The following LNX1 variants were observed in gnomAD, a reference collection of about 807,000 sequenced individuals.
LNX1 encodes the protein E3 ubiquitin-protein ligase LNX.
A neutral mutation model predicts 68.4 loss-of-function variants in LNX1; 54 were observed. The ratio of observed to expected loss-of-function variants is 0.79; its 90% CI spans 0.63 to 0.99. The LOEUF is 0.99. Ranked by LOEUF, LNX1 falls within the 50% of genes least tolerant of loss-of-function variation. LNX1 has a pLI of 0.00. For missense variants in LNX1, 906 were observed against 926.4 expected (o/e 0.98, Z 0.29); for synonymous variants, 336 against 350.0 (o/e 0.96, Z 0.45).
At chr4:53,502,899 A>G (rs1725605376) in intron 4 of LNX1, among the ~76,000 whole-genome samples, 1 of 151,632 alleles carries the variant, frequency 6.6e-6, no homozygotes, top group Non-Finnish European at 1.5e-5. Context: ...CACTCATTCA[A>G]GTTTTATTAT....
intron 1 of LNX1, among the ~76,000 whole-genome samples, chr4:53,588,903 A>G (rs1732336067): frequency 6.6e-6 from 1 of 152,178 alleles, no homozygotes; most frequent in African/African-American, 2.4e-5. Flanking sequence ...ACTCAAGGTC[A>G]CCCAAGGGCA....
intron 1 of LNX1, among the ~76,000 whole-genome samples, chr4:53,649,081 C>A (rs1300913265): frequency 6.6e-6 from 1 of 152,160 alleles, no homozygotes; most frequent in Non-Finnish European, 1.5e-5. Context: ...AACAGTAAGG[C>A]ATAAAATGAA....
At chr4:53,500,804 T>G (rs4864766) in intron 4 of LNX1, among the ~76,000 whole-genome samples, 41,397 of 152,062 alleles carry the variant, frequency 0.27, 6,308 homozygotes, top group South Asian at 0.52. Context: ...TTAAGTAGGC[T>G]ATACCACAGG....
intron 2 of LNX1, among the ~76,000 whole-genome samples, chr4:53,610,817 A>G (rs547303554): frequency 1.3e-5 from 2 of 152,016 alleles, no homozygotes; most frequent in Admixed American, 1.3e-4. Context: ...TTACTGAAAT[A>G]GAAGGCAAAA....
At position 53,498,854 on chromosome 4, in the gene LNX1, C is replaced by T. The variant is rs1459566474; in HGVS notation, c.776-11G>A. 1.9e-6 allele frequency: 3 copies of T among 1,607,542 alleles called. No individual in the cohort carries two copies. The highest frequency in any genetic ancestry group is 3.3e-5 in the Admixed American group (2 of 60,010). Reference sequence around the variant, plus strand: ...ACAACCTTGGAAAGACTGAAATGGACAAAGAGTGTTTATTTAAGACACCCA... The same window carrying T: ...ACAACCTTGGAAAGACTGAAATGGATAAAGAGTGTTTATTTAAGACACCCA... On this transcript the variant is annotated splice_polypyrimidine_tract_variant and intron_variant, in intron 4 of 10. Coordinates refer to ENST00000263925, the MANE Select transcript of LNX1 (RefSeq NM_001126328.3).
chr4:53,526,465 T>G (rs1368418407), intron 2 of LNX1, among the ~76,000 whole-genome samples: 1 of 152,066 alleles, frequency 6.6e-6, no homozygotes, highest in Non-Finnish European at 1.5e-5. Context: ...TGGAAGAAAT[T>G]TTAAAGCCCA....
Position 53,506,856 on chromosome 4 carries a change from T to TAAAAAAAAAAAAAAAAAAAAAAAAAAA in LNX1, c.775+460_775+461insTTTTTTTTTTTTTTTTTTTTTTTTTTT, listed in dbSNP as rs59260730. Among the ~76,000 whole-genome samples, 20 of 54,200 alleles carry TAAAAAAAAAAAAAAAAAAAAAAAAAAA rather than the reference T, an allele frequency of 3.7e-4. 1 individual carries two copies. The highest frequency in any genetic ancestry group is 8.0e-4 in the African/African-American group (13 of 16,160). The allele number at this position is 54,200 out of a possible 152,430, so 35.6% of individuals were successfully genotyped here. ...CCTGGGCGACAAGCAAAACTCTGTC[T>TAAAAAAAAAAAAAAAAAAAAAAAAAAA]AAAAAAAAAAAAAAAAAAAGAGGAA... is the stretch of plus-strand genomic sequence containing the variant. On this transcript the variant is annotated intron_variant, in intron 4 of 10. Coordinates refer to ENST00000263925, the MANE Select transcript of LNX1 (RefSeq NM_001126328.3).
chr4:53,553,071 A>G lies in LNX1; in HGVS notation c.380+20552T>C, dbSNP rs7673122. On this transcript the variant is annotated intron_variant, in intron 2 of 10. Transcript: ENST00000263925. ...GTTGGCCAAGATATGAGGCAAATTC[A>G]TTCAATTTGGTTTAACTTAATTCTG... Among the ~76,000 whole-genome samples the G allele has an allele frequency of 8.2e-3, 1,242 of 152,292 alleles. 5 individuals carry two copies. The highest frequency in any genetic ancestry group is 0.012 in the Non-Finnish European group (833 of 68,010).
At chr4:53,616,858 C>G (rs184643917) in intron 1 of LNX1, among the ~76,000 whole-genome samples, 3 of 152,238 alleles carry the variant, frequency 2.0e-5, no homozygotes, top group Non-Finnish European at 4.4e-5. Context: ...TTAGCAAACA[C>G]CCTGGCTTGA....
chr4:53,606,303 A>G (rs1733231587), intron 2 of LNX1, among the ~76,000 whole-genome samples: 1 of 152,154 alleles, frequency 6.6e-6, no homozygotes, highest in Admixed American at 6.5e-5. Context: ...TATTATGAAC[A>G]CCTCTATGCA....
chr4:53,508,015 A>G lies in LNX1; in HGVS notation c.593T>C (p.Val198Ala). ...AEDGQPAISP[V>A]DSGRSNRTRA... Reference sequence around the variant, plus strand: ...AGTTCGGTTGCTCCGGCCAGAGTCCACTGGGCTGATTGCTGGCTGCCCGTC... The same window carrying G: ...AGTTCGGTTGCTCCGGCCAGAGTCCGCTGGGCTGATTGCTGGCTGCCCGTC... The change falls in exon 3 of 11, where the codon GTG becomes GCG. Residue 198 changes from valine to alanine, a missense_variant. By Grantham distance (64) the Val-to-Ala change is moderately conservative. Coordinates refer to ENST00000263925, the MANE Select transcript of LNX1 (RefSeq NM_001126328.3). 6.2e-7 allele frequency: 1 copy of G among 1,614,080 alleles called. No individual in the cohort carries two copies. Among genetic ancestry groups the G allele is most frequent in the South Asian group, 1.1e-5 (1 of 91,068 alleles).
chr4:53,468,435 T>A (rs574813479), intron 9 of LNX1, among the ~76,000 whole-genome samples: 95 of 152,274 alleles, frequency 6.2e-4, no homozygotes, highest in Middle Eastern at 6.8e-3. Flanking sequence ...CTGCATCAAC[T>A]AATGAGCAAG....
chr4:53,465,117 A>G (rs1722575199), intron 9 of LNX1, among the ~76,000 whole-genome samples: 1 of 152,192 alleles, frequency 6.6e-6, no homozygotes, highest in Admixed American at 6.5e-5. Flanking sequence ...ATTGAAAAAC[A>G]TCTTGCATTT....
chr4:53,472,460 A>G (rs1018390382), intron 9 of LNX1, among the ~76,000 whole-genome samples: 8 of 152,110 alleles, frequency 5.3e-5, no homozygotes, highest in African/African-American at 1.4e-4. Flanking sequence ...CACGTTGTGC[A>G]TATGTACCCT....
intron 2 of LNX1, among the ~76,000 whole-genome samples, chr4:53,570,009 A>G (rs1731030246): frequency 6.6e-6 from 1 of 152,242 alleles, no homozygotes; most frequent in African/African-American, 2.4e-5. Context: ...AAAAGTCAGG[A>G]AAGAACAGGT....
chr4:53,608,773 T>C (rs907607818), intron 2 of LNX1, among the ~76,000 whole-genome samples: 1 of 152,080 alleles, frequency 6.6e-6, no homozygotes, highest in African/African-American at 2.4e-5. Flanking sequence ...CAGAATACTA[T>C]GCAGCCATAA....
chr4:53,603,665 A>G (rs1460172518), intron 2 of LNX1: 1 of 152,304 alleles, frequency 6.6e-6, no homozygotes, highest in Non-Finnish European at 1.5e-5. Context: ...AGGCGCGGGG[A>G]GAGGTTTTAA....
chr4:53,646,760 C>T (rs553580978), intron 1 of LNX1, among the ~76,000 whole-genome samples: 12 of 152,322 alleles, frequency 7.9e-5, no homozygotes, highest in African/African-American at 2.9e-4. Context: ...GTTGGAGCAA[C>T]CACAGTTTCT....
rs1729088734 is a variant in LNX1, at chr4:53,545,965, C to A, written c.380+27658G>T. On this transcript the variant is annotated intron_variant, in intron 2 of 10. Transcript: ENST00000263925. Reference sequence around the variant, plus strand: ...TGGTAGTACAGTGCACCTCACCATGCCCAGATAATTTTTGTATTTTTAGTA... The same window carrying A: ...TGGTAGTACAGTGCACCTCACCATGACCAGATAATTTTTGTATTTTTAGTA... Among the ~76,000 whole-genome samples the A allele has an allele frequency of 2.6e-5, 4 of 152,014 alleles. No individual in the cohort carries two copies. In the East Asian group the frequency reaches 7.7e-4, roughly 29 times the overall value.
Sources: allele counts gnomAD v4.1 joint callset (sites outside exome capture counted in the v4.1 genomes callset), GRCh38; gene constraint gnomAD v4.1.1; transcripts MANE v1.5; gene names NCBI Gene and HGNC (gene_info 2026-07-23, HGNC 2026-07-21).